Variants in LONP2 observed in about 807,000 individuals in gnomAD.
The protein encoded by LONP2 is lon peptidase 2, peroxisomal, also known as lon protease homolog 2, peroxisomal.
Under a neutral mutation model 85.6 loss-of-function variants are expected in LONP2, and 60 were observed. That is an observed-to-expected ratio of 0.70 (90% confidence interval 0.57 to 0.87). The LOEUF (loss-of-function observed/expected upper bound fraction) is 0.87. Ranked by LOEUF, LONP2 falls within the 40% of genes least tolerant of loss-of-function variation. LONP2 has a pLI of 0.00. For synonymous variants in LONP2, 395 were observed against 389.7 expected (o/e 1.01, Z -0.16); for missense variants, 860 against 1,063.5 (o/e 0.81, Z 2.66).
At position 48,303,287 on chromosome 16, in the gene LONP2, G is replaced by A. The variant is rs1330301859; in HGVS notation, c.1777G>A (p.Asp593Asn). 4.3e-6 allele frequency: 7 copies of A among 1,614,020 alleles called. No individual in the cohort carries two copies. Among genetic ancestry groups the A allele is most frequent in the Non-Finnish European group, 5.1e-6 (6 of 1,179,906 alleles). ...QHKEAKLDRS[D>N]VTEREGCREH... ...TAAGGAAGCCAAGTTGGACCGTTCT[G>A]ATGTGACTGAGAGAGAAGGTTGGTG... The change falls in exon 11 of 15, where the codon GAT becomes AAT. Residue 593 changes from aspartate (D) to asparagine (N), a missense_variant. Transcript: ENST00000285737.
intron 6 of LONP2, among the ~76,000 whole-genome samples, chr16:48,263,274 T>G (rs1026981949): frequency 2.0e-5 from 3 of 152,218 alleles, no homozygotes; most frequent in African/African-American, 4.8e-5. Context: ...GCACTTTTCT[T>G]TATAGTAGAT....
rs1025030905 is a variant in LONP2 at position 48,355,892 on chromosome 16, T to C, written c.*4090T>C. On this transcript the variant is annotated 3_prime_UTR_variant, in exon 15 of 15. Transcript: ENST00000285737. Reference sequence around the variant, plus strand: ...AGGGATATGTGTATTTTACCGGTATTCCACGTTTTATGCATGGGTTTTTAA... The same window carrying C: ...AGGGATATGTGTATTTTACCGGTATCCCACGTTTTATGCATGGGTTTTTAA... The C allele has an allele frequency of 2.6e-5, 4 of 152,208 alleles. No individual in the cohort carries two copies. Among genetic ancestry groups the C allele is most frequent in the African/African-American group, 9.6e-5 (4 of 41,456 alleles). The allele number at this position is 152,208 out of a possible 1,614,324, so 9.4% of individuals were successfully genotyped here.
chr16:48,287,303 A>G (rs1393642386), intron 8 of LONP2, among the ~76,000 whole-genome samples: 2 of 152,236 alleles, frequency 1.3e-5, no homozygotes, highest in East Asian at 3.8e-4. Context: ...CATTCACATG[A>G]AATTTTGGAT....
chr16:48,248,544 A>T (rs541413325), intron 1 of LONP2, among the ~76,000 whole-genome samples: 6 of 152,322 alleles, frequency 3.9e-5, no homozygotes, highest in Admixed American at 3.3e-4. Context: ...ACTGCAAAGC[A>T]TTCTAAACCT....
At position 48,351,829 on chromosome 16, in the gene LONP2, T is replaced by A. The variant is rs781571553; in HGVS notation, c.*27T>A. ...TCCAAATCTCAATTTTTTAGAATTT[T>A]AAGTTATGAAGTGCTCAAAGGTACT... On this transcript the variant is annotated 3_prime_UTR_variant, in exon 15 of 15. Coordinates refer to ENST00000285737, the MANE Select transcript of LONP2 (RefSeq NM_031490.5). 8.7e-5 allele frequency: 139 copies of A among 1,592,664 alleles called. No homozygotes were observed. The highest frequency in any genetic ancestry group is 1.2e-4 in the Non-Finnish European group (134 of 1,161,856).
At chr16:48,286,677 T>G (rs1269576726) in intron 8 of LONP2, among the ~76,000 whole-genome samples, 1 of 151,820 alleles carries the variant, frequency 6.6e-6, no homozygotes, top group Non-Finnish European at 1.5e-5. Context: ...GCCAATTTTT[T>G]GTAGAGACAG....
At chr16:48,361,542 A>G (rs768259691), downstream of LONP2, 5 of 1,595,784 alleles carry the variant, frequency 3.1e-6, no homozygotes, top group Admixed American at 5.0e-5. Flanking sequence ...GTGAAACTGA[A>G]GTTTTAAACA....
chr16:48,327,664 G>A (rs1959286688), intron 11 of LONP2, among the ~76,000 whole-genome samples: 1 of 152,068 alleles, frequency 6.6e-6, no homozygotes, highest in Non-Finnish European at 1.5e-5. Context: ...CACCATGTTG[G>A]CCAGGCTGGT....
chr16:48,357,380 T>G (rs1302264881), downstream of LONP2: 1 of 152,238 alleles, frequency 6.6e-6, no homozygotes, highest in Non-Finnish European at 1.5e-5. Flanking sequence ...AGCAGTAAAC[T>G]ACCAAATACT....
At chr16:48,272,858 G>A (rs1306711758) in intron 7 of LONP2, among the ~76,000 whole-genome samples, 2 of 152,140 alleles carry the variant, frequency 1.3e-5, no homozygotes, top group East Asian at 1.9e-4. Context: ...TTGGAAGCAC[G>A]TGGAGAGTAG....
rs753710999 is a variant in LONP2, at chr16:48,334,228, A to G, written c.1808A>G (p.His603Arg). ...DVTEREGCRE[H>R]ILEDEKPESI... Reference sequence around the variant, plus strand: ...TTTTTTCTTTTAGGTTGCAGAGAACACATCTTAGAAGATGAAAAACCTGAA... The same window carrying G: ...TTTTTTCTTTTAGGTTGCAGAGAACGCATCTTAGAAGATGAAAAACCTGAA... Residue 603 changes from histidine to arginine, a missense_variant, in exon 12 of 15, where the codon CAC becomes CGC. His to Arg is a conservative substitution (Grantham distance 29, BLOSUM62 0). This residue lies in a region of LONP2 where 743 missense variants were observed against 917.3 expected (regional missense o/e 0.81). Coordinates refer to ENST00000285737, the MANE Select transcript of LONP2 (RefSeq NM_031490.5). 8.1e-6 allele frequency: 13 copies of G among 1,613,824 alleles called. No individual in the cohort carries two copies. Among genetic ancestry groups the G allele is most frequent in the Non-Finnish European group, 1.1e-5 (13 of 1,179,890 alleles).
chr16:48,295,095 A>G (rs1406727167), intron 8 of LONP2, among the ~76,000 whole-genome samples: 2 of 152,280 alleles, frequency 1.3e-5, no homozygotes, highest in East Asian at 3.9e-4. Flanking sequence ...ATCTAATTCA[A>G]ATATTTTTAA....
chr16:48,291,331 T>C (rs1417364017), intron 8 of LONP2, among the ~76,000 whole-genome samples: 1 of 152,198 alleles, frequency 6.6e-6, no homozygotes, highest in Non-Finnish European at 1.5e-5. Flanking sequence ...TATACACTTT[T>C]AAAAAGCATA....
intron 7 of LONP2, among the ~76,000 whole-genome samples, chr16:48,276,262 G>T (rs1416979506): frequency 1.3e-5 from 2 of 152,128 alleles, no homozygotes; most frequent in South Asian, 4.1e-4. Flanking sequence ...ATATTTTTAA[G>T]GCTTGCTTGC....
intron 11 of LONP2, among the ~76,000 whole-genome samples, chr16:48,313,351 A>T (rs760387385): frequency 2.0e-5 from 3 of 152,152 alleles, no homozygotes; most frequent in Non-Finnish European, 4.4e-5. Context: ...TCCAGGGTAC[A>T]TGTGCAGGAT....
intron 14 of LONP2, among the ~76,000 whole-genome samples, 191 bp downstream of exon 14, chr16:48,348,481 ATTTTC>A (rs1960040266): frequency 7.5e-6 from 1 of 133,156 alleles, no homozygotes. Flanking sequence ...AATTTTTCAC[ATTTTC>A]CTTTTTTTTT....
chr16:48,319,039 A>G (rs1445036095), intron 11 of LONP2, among the ~76,000 whole-genome samples: 9 of 150,700 alleles, frequency 6.0e-5, no homozygotes, highest in Non-Finnish European at 1.0e-4. Context: ...GTCTACGGCC[A>G]TGAGTGCATT....
intron 14 of LONP2, among the ~76,000 whole-genome samples, chr16:48,349,904 C>T (rs543827939): frequency 1.3e-5 from 2 of 152,296 alleles, no homozygotes; most frequent in African/African-American, 4.8e-5. Flanking sequence ...TTTCAGATTA[C>T]TGAGGATAAA....
rs1372796825 is a variant in LONP2, at chr16:48,246,979, G to C, written c.233+2358G>C. Among the ~76,000 whole-genome samples, 4 of 22,744 alleles carry C rather than the reference G, an allele frequency of 1.8e-4. No homozygotes were observed. In the Admixed American group the frequency reaches 2.6e-3, roughly 15 times the overall value. The allele number at this position is 22,744 out of a possible 152,430, so 14.9% of individuals were successfully genotyped here. A position where few individuals can be genotyped will look rare whatever the true frequency, so the allele number is the denominator to read the frequency against. On this transcript the variant is annotated intron_variant, in intron 1 of 14. Coordinates refer to ENST00000285737, the MANE Select transcript of LONP2 (RefSeq NM_031490.5). The stretch of plus-strand genomic sequence containing the variant: ...GGTACTGTGTGATCTGATCCTTGAT[G>C]TTCATATTATTGCCTTTAACTGAGT...
Sources: allele counts gnomAD v4.1 joint callset (sites outside exome capture counted in the v4.1 genomes callset), GRCh38; gene constraint gnomAD v4.1.1; regional missense constraint gnomAD v4.1.1; transcripts MANE v1.5; gene names NCBI Gene and HGNC (gene_info 2026-07-23, HGNC 2026-07-21).